The following TMEM135 variants were observed in gnomAD, a reference collection of about 807,000 sequenced individuals.
The protein encoded by TMEM135 is transmembrane protein 135, also known as peroxisomal membrane protein 52.
TMEM135 carries 30 observed loss-of-function variants against 60.3 expected under a neutral mutation model. The ratio of observed to expected loss-of-function variants is 0.50; its 90% CI spans 0.37 to 0.68. The LOEUF (loss-of-function observed/expected upper bound fraction) is 0.68. Among genes scored for constraint, TMEM135 ranks in the 30% least tolerant of loss-of-function variants. The pLI is 0.00. For missense variants in TMEM135, 468 were observed against 548.8 expected (o/e 0.85, Z 1.47); for synonymous variants, 190 against 186.7 (o/e 1.02, Z -0.14).
intron 4 of TMEM135, among the ~76,000 whole-genome samples, chr11:87,118,399 C>T (rs1364473777): frequency 6.6e-6 from 1 of 152,074 alleles, no homozygotes; most frequent in Non-Finnish European, 1.5e-5. Context: ...TTTAGTATAG[C>T]CACCTTCATC....
chr11:87,070,637 AAAC>A (rs143313442), intron 2 of TMEM135, among the ~76,000 whole-genome samples: 2 of 151,296 alleles, frequency 1.3e-5, no homozygotes, highest in Non-Finnish European at 2.9e-5. Context: ...CTCCATCTAA[AAAC>A]AACAACAACA....
intron 6 of TMEM135, among the ~76,000 whole-genome samples, chr11:87,281,756 A>G (rs1942063790): frequency 6.6e-6 from 1 of 152,204 alleles, no homozygotes; most frequent in Non-Finnish European, 1.5e-5. Flanking sequence ...TGATTTATGT[A>G]TACTTATGAG....
At chr11:87,064,262 C>T (rs77861576) in intron 1 of TMEM135, among the ~76,000 whole-genome samples, 10 of 143,088 alleles carry the variant, frequency 7.0e-5, no homozygotes, top group Non-Finnish European at 1.2e-4. Flanking sequence ...CGAATGACTC[C>T]TTTTTTTTTT....
intron 3 of TMEM135, among the ~76,000 whole-genome samples, chr11:87,088,622 A>C (rs1014236258): frequency 6.6e-6 from 1 of 152,232 alleles, no homozygotes; most frequent in Non-Finnish European, 1.5e-5. Flanking sequence ...CGGTCTATTC[A>C]GTTAACTCTT....
At chr11:87,279,065 A>C in intron 6 of TMEM135, among the ~76,000 whole-genome samples, 1 of 151,876 alleles carries the variant, frequency 6.6e-6, no homozygotes, top group Non-Finnish European at 1.5e-5. Flanking sequence ...GTATTTTATT[A>C]TATGGATATG....
At chr11:87,245,743 G>T (rs141108063) in intron 6 of TMEM135, among the ~76,000 whole-genome samples, 5,600 of 117,206 alleles carry the variant, frequency 0.048, 400 homozygotes, top group Non-Finnish European at 0.064. Context: ...GCCTGTGTGT[G>T]TCTGTGCACT....
intron 4 of TMEM135, among the ~76,000 whole-genome samples, chr11:87,135,632 G>C (rs567144897): frequency 6.6e-6 from 1 of 151,778 alleles, no homozygotes; most frequent in Non-Finnish European, 1.5e-5. Flanking sequence ...ATGCGGTCTT[G>C]ATAACTGTAG....
chr11:87,283,282 G>C (rs1188626611), intron 6 of TMEM135, among the ~76,000 whole-genome samples: 1 of 150,914 alleles, frequency 6.6e-6, no homozygotes, highest in Non-Finnish European at 1.5e-5. Flanking sequence ...GCAGTGAGCC[G>C]AGACCGTGCC....
rs200140015 is a variant in TMEM135, at chr11:87,325,143, G to GGC, written c.*3811_*3812dup. The GGC allele has an allele frequency of 6.2e-4, 280 of 454,004 alleles. 1 individual carries two copies. Among genetic ancestry groups the GGC allele is most frequent in the African/African-American group, 5.2e-3 (258 of 50,068 alleles). 28.1% of individuals were successfully genotyped at this position (454,004 alleles called of 1,614,324 possible). ...GACTGAGATGACCCTCAGATTGGGG[G>GGC]GCTGTCTTAGATTCTAGGGCTTTGT... On this transcript the variant is annotated 3_prime_UTR_variant, in exon 15 of 15. Coordinates refer to ENST00000305494, the MANE Select transcript of TMEM135 (RefSeq NM_022918.4).
At chr11:87,130,500 A>G (rs1937896054) in intron 4 of TMEM135, among the ~76,000 whole-genome samples, 1 of 152,068 alleles carries the variant, frequency 6.6e-6, no homozygotes, top group South Asian at 2.1e-4. Flanking sequence ...TTTCATATTG[A>G]CAGTTCCTCC....
At chr11:87,039,972 GAA>G (rs1949736869) in intron 1 of TMEM135, among the ~76,000 whole-genome samples, 1 of 152,158 alleles carries the variant, frequency 6.6e-6, no homozygotes, top group Non-Finnish European at 1.5e-5. Context: ...GGGTGTTCAG[GAA>G]AAGAGTTGTG....
chr11:87,043,304 A>G (rs1371485049), intron 1 of TMEM135, among the ~76,000 whole-genome samples: 1 of 152,046 alleles, frequency 6.6e-6, no homozygotes, highest in Non-Finnish European at 1.5e-5. Flanking sequence ...TTTGTGATAT[A>G]CGGTAACAAT....
At chr11:87,094,004 A>G (rs1403692423) in intron 4 of TMEM135, among the ~76,000 whole-genome samples, 1 of 152,090 alleles carries the variant, frequency 6.6e-6, no homozygotes, top group Non-Finnish European at 1.5e-5. Flanking sequence ...TTTTTCCTTC[A>G]TATATTGGTT....
At chr11:87,186,901 AG>A (rs1939668570) in intron 5 of TMEM135, among the ~76,000 whole-genome samples, 1 of 152,300 alleles carries the variant, frequency 6.6e-6, no homozygotes, top group Non-Finnish European at 1.5e-5. Flanking sequence ...GGAAATATTA[AG>A]GATAATAAGG....
rs183527219 is a variant in TMEM135 at position 87,068,625 on chromosome 11, A to T, written c.269+804A>T. ...GGAGATCGAGGCCATCCTGGCTAAC[A>T]TGGTGAAACCCCGTCTCTACTAAAA... is the stretch of plus-strand genomic sequence containing the variant. On this transcript the variant is annotated intron_variant, in intron 2 of 14. Transcript: ENST00000305494. Among the ~76,000 whole-genome samples the T allele has an allele frequency of 9.8e-3, 1,489 of 152,076 alleles. 26 individuals carry two copies. The highest frequency in any genetic ancestry group is 0.033 in the African/African-American group (1,380 of 41,484).
intron 1 of TMEM135, among the ~76,000 whole-genome samples, chr11:87,062,011 C>CT (rs141554783): frequency 6.6e-6 from 1 of 151,338 alleles, no homozygotes. Context: ...CTTCTGGGTA[C>CT]TTTTTTTTTC....
At chr11:87,157,069 C>CTTTT (rs1354998761) in intron 4 of TMEM135, among the ~76,000 whole-genome samples, 9 of 122,400 alleles carry the variant, frequency 7.4e-5, no homozygotes, top group South Asian at 2.8e-4. Flanking sequence ...TTCTTTCTTT[C>CTTTT]TTTTGTTTTT....
chr11:87,227,247 A>G lies in TMEM135; in HGVS notation c.463-9391A>G, dbSNP rs150884157. ...ATATTATATATTAGTTACAATATGC[A>G]TTGAAATGTTTCTTCTACACTGAAA... is the stretch of plus-strand genomic sequence containing the variant. On this transcript the variant is annotated intron_variant, in intron 5 of 14. Coordinates refer to ENST00000305494, the MANE Select transcript of TMEM135 (RefSeq NM_022918.4). Among the ~76,000 whole-genome samples, 10 of 152,016 alleles carry G rather than the reference A, an allele frequency of 6.6e-5. No individual in the cohort carries two copies. In the East Asian group the frequency reaches 1.5e-3, roughly 23 times the overall value.
intron 5 of TMEM135, among the ~76,000 whole-genome samples, chr11:87,167,409 G>T (rs1001708091): frequency 6.6e-6 from 1 of 152,092 alleles, no homozygotes; most frequent in East Asian, 1.9e-4. Context: ...AATGCTTCCA[G>T]CTTTTGCCCA....
Sources: gnomAD v4.1 joint callset for allele counts (sites outside exome capture counted in the v4.1 genomes callset) on GRCh38, gnomAD v4.1.1 for gene constraint, MANE v1.5 for transcripts, NCBI Gene and HGNC (gene_info 2026-07-23, HGNC 2026-07-21) for gene names.